ASAP3: variants seen among roughly 807,000 people sequenced by gnomAD.
ASAP3 encodes the protein ArfGAP with SH3 domain, ankyrin repeat and PH domain 3.
ASAP3 carries 85 observed loss-of-function variants against 118.2 expected under a neutral mutation model. The ratio of observed to expected loss-of-function variants is 0.72; its 90% confidence interval spans 0.60 to 0.86. The LOEUF (loss-of-function observed/expected upper bound fraction) is 0.86, where lower values mean the gene tolerates loss of function less well. Among genes scored for constraint, ASAP3 ranks in the 40% least tolerant of loss-of-function variants. ASAP3 has a pLI of 0.00. For synonymous variants in ASAP3, 432 were observed against 477.4 expected (o/e 0.90, Z 1.24); for missense variants, 1,026 against 1,175.0 (o/e 0.87, Z 1.85).
intron 5 of ASAP3, among the ~76,000 whole-genome samples, chr1:23,449,338 G>A (rs1558141613): frequency 6.6e-6 from 1 of 152,162 alleles, no homozygotes; most frequent in Non-Finnish European, 1.5e-5. Flanking sequence ...TACAGATGAG[G>A]AAACAGACCT....
rs746691583 is a variant in ASAP3, at chr1:23,452,702, G to A, written c.418C>T (p.Arg140Ter). ...SLMKGQLRDG[R>*]QDSKKQLEKA... ...CTCCCAGCATGGAGACTCACCTGTC[G>A]ACCGTCCCTCAGCTGCCCCTTCATC... The change falls in exon 4 of 25, where the codon CGA (arginine) becomes TGA (stop). Residue 140 changes from arginine to a stop codon, truncating the protein, a stop_gained. Coordinates refer to ENST00000336689, the MANE Select transcript of ASAP3 (RefSeq NM_017707.4). LOFTEE classifies it high-confidence loss of function. 2.0e-5 allele frequency: 32 copies of A among 1,613,448 alleles called. No individual in the cohort carries two copies. Among genetic ancestry groups the A allele is most frequent in the Non-Finnish European group, 2.2e-5 (26 of 1,179,882 alleles).
At chr1:23,439,707 T>C (rs1372738400) in intron 10 of ASAP3, among the ~76,000 whole-genome samples, 4 of 151,494 alleles carry the variant, frequency 2.6e-5, no homozygotes, top group African/African-American at 9.8e-5. Flanking sequence ...CAGGTAAATA[T>C]TCATTGGTTT....
Position 23,435,848 on chromosome 1 carries a change from C to A in ASAP3, c.1749+3G>T. On this transcript the variant is annotated splice_donor_region_variant and intron_variant, in intron 17 of 24. Coordinates refer to ENST00000336689, the MANE Select transcript of ASAP3 (RefSeq NM_017707.4). ...TATAAGTGGCCCTTGGAGGGGTTCTCACCTGTGCATCAGGCCCTGGCAGCG... is the reference window on the plus strand; with the variant it reads ...TATAAGTGGCCCTTGGAGGGGTTCTAACCTGTGCATCAGGCCCTGGCAGCG... 1 of 1,614,268 alleles carries A rather than the reference C, an allele frequency of 6.2e-7. No individual in the cohort carries two copies. Among genetic ancestry groups the A allele is most frequent in the East Asian group, 2.2e-5 (1 of 44,880 alleles).
intron 1 of ASAP3, among the ~76,000 whole-genome samples, chr1:23,469,318 A>G (rs1641888563): frequency 6.6e-6 from 1 of 152,138 alleles, no homozygotes; most frequent in Non-Finnish European, 1.5e-5. Context: ...AAATAATAAT[A>G]ACAATAATAA....
At chr1:23,458,915 A>T (rs899624256) in intron 1 of ASAP3, among the ~76,000 whole-genome samples, 2 of 152,290 alleles carry the variant, frequency 1.3e-5, no homozygotes, top group African/African-American at 4.8e-5. Context: ...TCACGCCTGT[A>T]ATCCTAGCAC....
rs751825670 is a variant in ASAP3, at chr1:23,452,653, C to G, written c.423+44G>C. The G allele has an allele frequency of 2.5e-6, 4 of 1,597,124 alleles. No homozygotes were observed. In the South Asian group the frequency reaches 4.4e-5, roughly 18 times the overall value. On this transcript the variant is annotated intron_variant, in intron 4 of 24. Coordinates refer to ENST00000336689, the MANE Select transcript of ASAP3 (RefSeq NM_017707.4). ...CCCCCCAACAGTCTCCTGCCCACCC[C>G]TCTTTTACTCTGTCCCACCACCACT...
chr1:23,451,890 G>A (rs1641227123), intron 4 of ASAP3, among the ~76,000 whole-genome samples: 1 of 152,188 alleles, frequency 6.6e-6, no homozygotes, highest in Non-Finnish European at 1.5e-5. Flanking sequence ...GGAGGATGAA[G>A]GCCAAATTCC....
intron 1 of ASAP3, among the ~76,000 whole-genome samples, chr1:23,464,790 T>C (rs1242958332): frequency 6.6e-6 from 1 of 151,746 alleles, no homozygotes; most frequent in African/African-American, 2.4e-5. Flanking sequence ...ATCCAGGAAC[T>C]TGTTAGAAAA....
chr1:23,460,167 C>A (rs144633384), intron 1 of ASAP3, among the ~76,000 whole-genome samples: 19 of 152,246 alleles, frequency 1.2e-4, no homozygotes, highest in African/African-American at 3.6e-4. Flanking sequence ...AGGGACTACA[C>A]ACCTGTTAGA....
At position 23,436,094 on chromosome 1, in the gene ASAP3, T is replaced by C; in HGVS notation, c.1572-66A>G. ...TCTGCCCAGCTGATCCCTGGGGCCC[T>C]CCCACAGGAGATACAGCTCTCTTTT... On this transcript the variant is annotated intron_variant, in intron 16 of 24. Transcript: ENST00000336689. The surrounding 1 kb of genome is among the most constrained non-coding windows in gnomAD (Gnocchi z 4.2). The C allele has an allele frequency of 1.9e-6, 3 of 1,539,320 alleles. No individual in the cohort carries two copies. The highest frequency in any genetic ancestry group is 2.7e-6 in the Non-Finnish European group (3 of 1,115,288).
At chr1:23,452,835 G>A in intron 3 of ASAP3, 64 bp from the exon 4 acceptor site, 2 of 1,498,908 alleles carry the variant, frequency 1.3e-6, no homozygotes, top group Non-Finnish European at 9.3e-7. Context: ...TAGGGATTCG[G>A]TGTACAGTGA....
At position 23,431,736 on chromosome 1, in the gene ASAP3, C is replaced by A. The variant is rs896085148; in HGVS notation, c.2506G>T (p.Gly836Trp). ...AGGTACATCTCCGAAGGGGTGGTCC[C>A]GGATGTCAGGCTGGGTCTGGAGGTG... is the stretch of plus-strand genomic sequence containing the variant. ...PGTSRPSLTS[G>W]TTPSEMYLPV... Residue 836 changes from glycine to tryptophan, a missense_variant, in exon 23 of 25, where the codon GGG becomes TGG. Coordinates refer to ENST00000336689, the MANE Select transcript of ASAP3 (RefSeq NM_017707.4). 6.6e-7 allele frequency: 1 copy of A among 1,521,620 alleles called. No individual in the cohort carries two copies. The highest frequency in any genetic ancestry group is 8.8e-7 in the Non-Finnish European group (1 of 1,140,228). The allele number at this position is 1,521,620 out of a possible 1,614,324, so 94.3% of individuals were successfully genotyped here.
At position 23,434,525 on chromosome 1, in the gene ASAP3, G is replaced by C; in HGVS notation, c.1835+8C>G. The C allele has an allele frequency of 6.2e-7, 1 of 1,613,966 alleles. No homozygotes were observed. ...AGGAGCCAGACAGACAGGCAGGGAG[G>C]CTCTCACCCGTTCTGGATGATGAAA... On this transcript the variant is annotated splice_region_variant and intron_variant, in intron 18 of 24. Coordinates refer to ENST00000336689, the MANE Select transcript of ASAP3 (RefSeq NM_017707.4).
At chr1:23,443,038 A>G (rs181387726) in intron 5 of ASAP3, among the ~76,000 whole-genome samples, 1 of 152,288 alleles carries the variant, frequency 6.6e-6, no homozygotes, top group African/African-American at 2.4e-5. Context: ...TCTAATTCAC[A>G]CCATGTTAAT....
intron 5 of ASAP3, among the ~76,000 whole-genome samples, chr1:23,443,516 T>C (rs988761741): frequency 6.6e-6 from 1 of 152,190 alleles, no homozygotes; most frequent in African/African-American, 2.4e-5. Flanking sequence ...CCCATGGAGC[T>C]TCATACTTAA....
intron 1 of ASAP3, among the ~76,000 whole-genome samples, chr1:23,464,937 C>T (rs1206305181): frequency 6.6e-6 from 1 of 152,160 alleles, no homozygotes; most frequent in Non-Finnish European, 1.5e-5. Flanking sequence ...TGCAGTACAT[C>T]ATCATTGCTA....
intron 1 of ASAP3, among the ~76,000 whole-genome samples, chr1:23,464,659 T>TTAAA (rs1462495284): frequency 5.5e-4 from 26 of 47,098 alleles, no homozygotes; most frequent in Non-Finnish European, 7.2e-4. Flanking sequence ...GACACTGTCT[T>TTAAA]AAAAAAAAAA....
chr1:23,483,062 C>T (rs2148670005), intron 1 of ASAP3, among the ~76,000 whole-genome samples: 1 of 147,700 alleles, frequency 6.8e-6, no homozygotes, highest in South Asian at 2.1e-4. Context: ...GATGGAGGGT[C>T]ACCCTGACAA....
At position 23,442,527 on chromosome 1, in the gene ASAP3, G is replaced by A; in HGVS notation, c.559C>T (p.Arg187Cys). ...TCACACATGTGCAGCTGGAAGATGCGCCGCTCTCTCTGCATGTCCTGGGCC... is the reference window on the plus strand; with the variant it reads ...TCACACATGTGCAGCTGGAAGATGCACCGCTCTCTCTGCATGTCCTGGGCC... ...EVAQDMQRER[R>C]IFQLHMCEYL... Residue 187 changes from arginine to cysteine, a missense_variant, in exon 6 of 25, where the codon CGC (arginine) becomes TGC (cysteine). Transcript: ENST00000336689. 6.2e-6 allele frequency: 10 copies of A among 1,613,876 alleles called. No homozygotes were observed. The highest frequency in any genetic ancestry group is 1.7e-4 in the Middle Eastern group (1 of 6,060).
Sources: allele counts gnomAD v4.1 joint callset (sites outside exome capture counted in the v4.1 genomes callset), GRCh38; gene constraint gnomAD v4.1.1; non-coding constraint Gnocchi (gnomAD v3.1); transcripts MANE v1.5; gene names NCBI Gene and HGNC (gene_info 2026-07-23, HGNC 2026-07-21).